SETD2: variants seen among roughly 807,000 people sequenced by gnomAD.
SETD2 encodes the protein SET domain containing 2, histone lysine methyltransferase.
A neutral mutation model predicts 242.1 loss-of-function variants in SETD2; 31 were observed. The observed-to-expected ratio is 0.13, with a 90% CI of 0.10 to 0.17. The LOEUF (loss-of-function observed/expected upper bound fraction) is 0.17, where lower values mean the gene tolerates loss of function less well. Ranked by LOEUF, SETD2 falls within the 10% of genes least tolerant of loss-of-function variation. SETD2 has a pLI of 1.00. For synonymous variants in SETD2, 1,006 were observed against 1,066.5 expected (o/e 0.94, Z 1.11); for missense variants, 2,481 against 3,046.3 (o/e 0.81, Z 4.37).
At chr3:47,131,449 T>C (rs1338453644) in intron 1 of SETD2, among the ~76,000 whole-genome samples, 1 of 152,054 alleles carries the variant, frequency 6.6e-6, no homozygotes, top group Non-Finnish European at 1.5e-5. Context: ...GTTCACGCCA[T>C]TCTCCTGCCT....
At chr3:47,059,926 G>A (rs972915674) in intron 14 of SETD2, among the ~76,000 whole-genome samples, 3 of 152,260 alleles carry the variant, frequency 2.0e-5, no homozygotes, top group Middle Eastern at 3.4e-3. Context: ...TGGGATTACA[G>A]GCATGAGCCA....
intron 1 of SETD2, among the ~76,000 whole-genome samples, chr3:47,161,225 C>A (rs1697481247): frequency 6.6e-6 from 1 of 152,156 alleles, no homozygotes; most frequent in South Asian, 2.1e-4. Flanking sequence ...ACATTCTGCG[C>A]CAAGTGCTCT....
chr3:47,082,089 A>G (rs1240516671), intron 12 of SETD2, among the ~76,000 whole-genome samples: 2 of 152,230 alleles, frequency 1.3e-5, no homozygotes, highest in Admixed American at 1.3e-4. Flanking sequence ...GTGAGTTTAA[A>G]TTACCATGGT....
intron 18 of SETD2, among the ~76,000 whole-genome samples, chr3:47,025,648 CT>C (rs1205448478): frequency 1.3e-5 from 2 of 152,158 alleles, no homozygotes; most frequent in Non-Finnish European, 2.9e-5. Context: ...CTGGCTTGTT[CT>C]TTCTTAAGCC....
At chr3:47,036,665 G>A (rs993438311) in intron 18 of SETD2, among the ~76,000 whole-genome samples, 2 of 152,044 alleles carry the variant, frequency 1.3e-5, no homozygotes, top group African/African-American at 4.8e-5. Context: ...CACTTCAGGA[G>A]GCCAAGGCAG....
chr3:47,130,562 A>G (rs1575828964), intron 1 of SETD2, among the ~76,000 whole-genome samples: 1 of 152,224 alleles, frequency 6.6e-6, no homozygotes, highest in East Asian at 1.9e-4. Context: ...TAACATAAGA[A>G]CACTTGTTTC....
At chr3:47,155,125 TAA>T (rs893801406) in intron 1 of SETD2, among the ~76,000 whole-genome samples, 1 of 151,982 alleles carries the variant, frequency 6.6e-6, no homozygotes, top group Non-Finnish European at 1.5e-5. Flanking sequence ...TGAAAAAGAC[TAA>T]GAGACATGAC....
At chr3:47,152,967 T>C (rs759340399) in intron 1 of SETD2, among the ~76,000 whole-genome samples, 4 of 152,184 alleles carry the variant, frequency 2.6e-5, no homozygotes, top group Non-Finnish European at 5.9e-5. Flanking sequence ...TAAACCTCCA[T>C]TGAAATGACA....
At chr3:47,096,219 T>C (rs1050224709) in intron 9 of SETD2, among the ~76,000 whole-genome samples, 17 of 152,216 alleles carry the variant, frequency 1.1e-4, no homozygotes, top group Non-Finnish European at 1.6e-4. Context: ...AGAGACAAGA[T>C]GCTGGATTGG....
At position 47,046,592 on chromosome 3, in the gene SETD2, G is replaced by A. The variant is rs2039541546; in HGVS notation, c.6993C>T (p.Ile2331=). The A allele has an allele frequency of 6.2e-7, 1 of 1,612,786 alleles. No individual in the cohort carries two copies. The highest frequency in any genetic ancestry group is 1.7e-5 in the Admixed American group (1 of 59,856). The change falls in exon 16 of 21, where the codon ATC becomes ATT. Residue 2331 remains isoleucine, a synonymous_variant. Coordinates refer to ENST00000409792, the MANE Select transcript of SETD2 (RefSeq NM_014159.7). ...QSYAQPSLQY[I]QGQQIFTAHP... ...GAGCTGTGAAAATCTGTTGCCCCTG[G>A]ATATACTGAAGACTTGGCTGGGCAT...
rs1482463965 is a variant in SETD2 at position 47,083,893 on chromosome 3, T to C, written c.5887A>G (p.Lys1963Glu). ...EPEADAEIEP[K>E]ESNGTKLEEP... ...TCTAGTTTTGTGCCGTTGCTCTCTT[T>C]GGGCTCTATTTCAGCGTCAGCTTCT... is the stretch of plus-strand genomic sequence containing the variant. The change falls in exon 12 of 21, where the codon AAA becomes GAA. Residue 1963 changes from lysine (K) to glutamate (E), a missense_variant. Lys to Glu is a moderately conservative substitution (Grantham distance 56, BLOSUM62 1). This residue lies in a region of SETD2 where 203 missense variants were observed against 222.4 expected (regional missense o/e 0.91). Transcript: ENST00000409792. 2.5e-6 allele frequency: 4 copies of C among 1,614,166 alleles called. No homozygotes were observed. The highest frequency in any genetic ancestry group is 1.7e-5 in the Admixed American group (1 of 60,028).
At chr3:47,044,411 C>T (rs2107544266) in intron 16 of SETD2, among the ~76,000 whole-genome samples, 1 of 108,638 alleles carries the variant, frequency 9.2e-6, no homozygotes, top group African/African-American at 3.3e-5. Context: ...CAACTCGTAA[C>T]AAGCACTCAA....
chr3:47,136,723 A>G (rs978098403), intron 1 of SETD2, among the ~76,000 whole-genome samples: 11 of 152,096 alleles, frequency 7.2e-5, no homozygotes, highest in Non-Finnish European at 1.6e-4. Context: ...GGAGGCCAAG[A>G]TAGGTGGATC....
intron 18 of SETD2, 152 bp downstream of exon 18, chr3:47,037,514 T>C (rs1359715384): frequency 8.5e-6 from 5 of 587,364 alleles, no homozygotes; most frequent in Non-Finnish European, 1.5e-5. Flanking sequence ...AAAAAGGCCA[T>C]TCTTTCTCCC....
In SETD2 at chr3:47,062,166, T is replaced by C. The variant is rs2107588487; in HGVS notation, c.6290A>G (p.Asp2097Gly). 6.2e-7 allele frequency: 1 copy of C among 1,612,458 alleles called. No individual in the cohort carries two copies. Reference protein sequence around the residue: ...AYERGTKRPDDRYDTPTSKKK... With the variant: ...AYERGTKRPDGRYDTPTSKKK... ...AAAACTCACACAGGCCACTTACCTG[T>C]CATCTGGCCTTTTTGTTCCCCGCTC... The change falls in exon 14 of 21, where the codon GAC becomes GGC. Residue 2097 changes from aspartate (D) to glycine (G), a missense_variant. Physicochemically the swap from Asp to Gly is moderately conservative, Grantham distance 94. Coordinates refer to ENST00000409792, the MANE Select transcript of SETD2 (RefSeq NM_014159.7).
intron 2 of SETD2, among the ~76,000 whole-genome samples, chr3:47,125,653 C>T (rs1430483331): frequency 1.3e-5 from 2 of 152,078 alleles, no homozygotes; most frequent in East Asian, 3.9e-4. Context: ...TCTGCCTGGG[C>T]CCCCCACCCT....
intron 12 of SETD2, among the ~76,000 whole-genome samples, chr3:47,068,236 T>C (rs966241309): frequency 2.6e-5 from 4 of 152,188 alleles, no homozygotes; most frequent in African/African-American, 9.6e-5. Flanking sequence ...CTCTCCACAA[T>C]TGTTGCTTCT....
In SETD2 at chr3:47,121,347, A is replaced by G. The variant is rs771066357; in HGVS notation, c.3289T>C (p.Tyr1097His). ...SSRSSQSYRH[Y>H]SDHWEDERLE... Reference sequence around the variant, plus strand: ...CTCTCATCTTCCCAATGGTCAGAATAGTGTCTATAACTTTGACTGCTCCGA... The same window carrying G: ...CTCTCATCTTCCCAATGGTCAGAATGGTGTCTATAACTTTGACTGCTCCGA... Residue 1097 changes from tyrosine (Y) to histidine (H), a missense_variant, in exon 3 of 21, where the codon TAT (tyrosine) becomes CAT (histidine). Physicochemically the swap from Tyr to His is moderately conservative, Grantham distance 83. Around this residue, in one of 17 missense-constraint regions of SETD2, gnomAD observed 1,300 missense variants for 1,259.2 expected, o/e 1.03. Coordinates refer to ENST00000409792, the MANE Select transcript of SETD2 (RefSeq NM_014159.7). 6.2e-7 allele frequency: 1 copy of G among 1,610,284 alleles called. No individual in the cohort carries two copies. The highest frequency in any genetic ancestry group is 2.2e-5 in the East Asian group (1 of 44,880).
chr3:47,063,165 T>C (rs537340415), intron 13 of SETD2, among the ~76,000 whole-genome samples: 10 of 152,344 alleles, frequency 6.6e-5, no homozygotes, highest in Admixed American at 5.2e-4. Context: ...TATGTAGATT[T>C]GGTTGACAAA....
Sources: gnomAD v4.1 joint callset for allele counts (sites outside exome capture counted in the v4.1 genomes callset) on GRCh38, gnomAD v4.1.1 for gene constraint, gnomAD v4.1.1 regional missense constraint, MANE v1.5 for transcripts, NCBI Gene and HGNC (gene_info 2026-07-23, HGNC 2026-07-21) for gene names.